CEMIP: variants seen among roughly 807,000 people sequenced by gnomAD.
The protein encoded by CEMIP is cell migration-inducing and hyaluronan-binding protein.
In CEMIP, 105 loss-of-function variants were observed where a neutral mutation model predicts 156.9. The observed-to-expected ratio is 0.67, with a 90% CI of 0.57 to 0.79. The LOEUF (loss-of-function observed/expected upper bound fraction) is 0.79, where lower values mean the gene tolerates loss of function less well. Among genes scored for constraint, CEMIP ranks in the 30% least tolerant of loss-of-function variants. The probability of loss-of-function intolerance (pLI) is 0.00; values close to 1 mark genes in which losing one functional copy is unlikely to be tolerated. For synonymous variants in CEMIP, 676 were observed against 668.4 expected (o/e 1.01, Z -0.17); for missense variants, 1,457 against 1,769.4 (o/e 0.82, Z 3.17).
intron 1 of CEMIP, among the ~76,000 whole-genome samples, chr15:80,795,125 G>T (rs958362626): frequency 2.2e-4 from 33 of 152,056 alleles, no homozygotes; most frequent in African/African-American, 7.7e-4. Flanking sequence ...AGGCAGGGGT[G>T]AGGGGGCAGG....
At chr15:80,861,677 C>T (rs1897991622) in intron 1 of CEMIP, among the ~76,000 whole-genome samples, 1 of 152,154 alleles carries the variant, frequency 6.6e-6, no homozygotes, top group Admixed American at 6.5e-5. Context: ...TTCTTGAGCC[C>T]CAGAAACAAG....
chr15:80,884,098 G>A (rs1253613380), intron 6 of CEMIP, 77 bp from the exon 7 acceptor site: 5 of 1,402,874 alleles, frequency 3.6e-6, no homozygotes, highest in African/African-American at 1.4e-5. Flanking sequence ...AGCTGTCGCA[G>A]CACAGGCATG....
intron 3 of CEMIP, among the ~76,000 whole-genome samples, chr15:80,876,194 A>G (rs1596150481): frequency 6.6e-6 from 1 of 152,284 alleles, no homozygotes; most frequent in East Asian, 1.9e-4. Flanking sequence ...TTGGAGCCTG[A>G]CACTCTTGTC....
chr15:80,911,094 G>A (rs537667914), intron 14 of CEMIP, among the ~76,000 whole-genome samples: 1 of 152,294 alleles, frequency 6.6e-6, no homozygotes, highest in South Asian at 2.1e-4. Flanking sequence ...AAAACGGAGA[G>A]GATGGCACTG....
intron 1 of CEMIP, among the ~76,000 whole-genome samples, chr15:80,820,961 T>G (rs1400857726): frequency 6.6e-6 from 1 of 152,220 alleles, no homozygotes; most frequent in Non-Finnish European, 1.5e-5. Context: ...TGAAAGTGTC[T>G]GATACAGAGT....
intron 10 of CEMIP, among the ~76,000 whole-genome samples, chr15:80,893,462 G>GA (rs1016007486): frequency 2.6e-5 from 4 of 152,092 alleles, no homozygotes; most frequent in African/African-American, 9.7e-5. Context: ...GTTATACCTG[G>GA]AAAAAATCTC....
At chr15:80,879,954 A>G in intron 5 of CEMIP, 100 bp downstream of exon 5, 1 of 1,343,784 alleles carries the variant, frequency 7.4e-7, no homozygotes, top group South Asian at 1.2e-5. Context: ...GCTTGCCTGT[A>G]AGATAGGAAT....
At position 80,890,996 on chromosome 15, in the gene CEMIP, C is replaced by T. The variant is rs548396053; in HGVS notation, c.1086+1404C>T. Among the ~76,000 whole-genome samples, 9 of 152,324 alleles carry T rather than the reference C, an allele frequency of 5.9e-5. No homozygotes were observed. In the South Asian group the frequency reaches 6.2e-4, roughly 11 times the overall value. On this transcript the variant is annotated intron_variant, in intron 10 of 29. Coordinates refer to ENST00000394685, the MANE Select transcript of CEMIP (RefSeq NM_001293298.2). ...AACAGAATCAAAAAGCACTGATCCC[C>T]CACAGCACATTCTTTCCAGATTTAA... is the stretch of plus-strand genomic sequence containing the variant.
chr15:80,791,241 G>A (rs1477910568), intron 1 of CEMIP, among the ~76,000 whole-genome samples: 1 of 152,176 alleles, frequency 6.6e-6, no homozygotes, highest in East Asian at 1.9e-4. Flanking sequence ...TGAGTGAAGT[G>A]TGTGATCAAT....
intron 18 of CEMIP, among the ~76,000 whole-genome samples, chr15:80,925,255 T>C (rs1228348703): frequency 6.6e-6 from 1 of 152,222 alleles, no homozygotes; most frequent in African/African-American, 2.4e-5. Flanking sequence ...GAAAAGGCAC[T>C]AGTTCAAGGT....
intron 1 of CEMIP, among the ~76,000 whole-genome samples, chr15:80,837,066 C>T (rs1235251580): frequency 1.3e-5 from 2 of 152,218 alleles, no homozygotes; most frequent in East Asian, 1.9e-4. Context: ...CCTATTCTAT[C>T]TGCAATCATC....
intron 1 of CEMIP, among the ~76,000 whole-genome samples, chr15:80,862,780 C>A (rs1413650879): frequency 6.6e-6 from 1 of 152,196 alleles, no homozygotes; most frequent in African/African-American, 2.4e-5. Context: ...ATATTTGCAG[C>A]ATGAGCTGGG....
intron 1 of CEMIP, among the ~76,000 whole-genome samples, chr15:80,810,633 G>C (rs887015126): frequency 2.6e-5 from 4 of 152,160 alleles, no homozygotes; most frequent in African/African-American, 7.2e-5. Context: ...GGGATTACAG[G>C]CGTGAGCCAC....
intron 16 of CEMIP, 89 bp from the exon 17 acceptor site, chr15:80,921,920 C>A: frequency 1.3e-6 from 2 of 1,562,728 alleles, no homozygotes; most frequent in Non-Finnish European, 1.8e-6. Context: ...CTACTAGACC[C>A]ATCTCCGGCG....
At chr15:80,892,797 T>C (rs558403155) in intron 10 of CEMIP, among the ~76,000 whole-genome samples, 2 of 152,330 alleles carry the variant, frequency 1.3e-5, no homozygotes, top group Admixed American at 1.3e-4. Context: ...ACAGCAAAAA[T>C]AGGGATAATA....
At chr15:80,947,146 T>G (rs973172706) in intron 29 of CEMIP, 81 bp downstream of exon 29, 1 of 885,900 alleles carries the variant, frequency 1.1e-6, no homozygotes, top group African/African-American at 1.7e-5. Flanking sequence ...TGTCATCTTT[T>G]GCTGAGTTGA....
chr15:80,933,252 C>G lies in CEMIP; in HGVS notation c.2801C>G (p.Ser934Cys). Residue 934 changes from serine (S) to cysteine (C), a missense_variant, in exon 23 of 30, where the codon TCC (serine) becomes TGC (cysteine). Around this residue, in one of 5 missense-constraint regions of CEMIP, gnomAD observed 798 missense variants for 980.1 expected, o/e 0.81. Transcript: ENST00000394685. ...TTCCTGGGCTCTGTTTAGATTACTT[C>G]CAGAGTGTTCTTCGGAGAGCCTGGG... ...GIAFEDVPITSRVFFGEPGPW... is the reference protein window; with the variant it reads ...GIAFEDVPITCRVFFGEPGPW... 6.2e-7 allele frequency: 1 copy of G among 1,613,818 alleles called. No homozygotes were observed. The highest frequency in any genetic ancestry group is 8.5e-7 in the Non-Finnish European group (1 of 1,179,690).
At chr15:80,780,231 C>A (rs1307131426) in intron 1 of CEMIP, among the ~76,000 whole-genome samples, 1 of 152,252 alleles carries the variant, frequency 6.6e-6, no homozygotes, top group African/African-American at 2.4e-5. Context: ...CCGGGGGGCT[C>A]TGCTGATGTT....
At chr15:80,833,586 G>A (rs1897203422) in intron 1 of CEMIP, among the ~76,000 whole-genome samples, 1 of 151,986 alleles carries the variant, frequency 6.6e-6, no homozygotes. Context: ...GGCTGTGTGG[G>A]GGGCATGGGC....
Sources: gnomAD v4.1 joint callset for allele counts (sites outside exome capture counted in the v4.1 genomes callset) on GRCh38, gnomAD v4.1.1 for gene constraint, gnomAD v4.1.1 regional missense constraint, MANE v1.5 for transcripts, NCBI Gene and HGNC (gene_info 2026-07-23, HGNC 2026-07-21) for gene names.